CADM2: variants seen among roughly 807,000 people sequenced by gnomAD.
The protein encoded by CADM2 is cell adhesion molecule 2, also known as immunoglobulin superfamily member 4D.
Under a neutral mutation model 49.8 loss-of-function variants are expected in CADM2, and 12 were observed. The observed-to-expected ratio is 0.24, with a 90% confidence interval of 0.15 to 0.39. The LOEUF is 0.39. CADM2 is among the 10% of genes least tolerant of loss of function. CADM2 has a pLI of 1.00. For synonymous variants in CADM2, 214 were observed against 175.4 expected (o/e 1.22, Z -1.74); for missense variants, 378 against 492.3 (o/e 0.77, Z 2.20).
rs538928121 is a variant in CADM2, at chr3:85,441,169, T to C, written c.62-285353T>C. On this transcript the variant is annotated intron_variant, in intron 1 of 9. Transcript: ENST00000383699. ...ATGCCTGGATTTTAGCATTCCTATC[T>C]TTTAAGTGATTAATAATTTTTGTAG... Among the ~76,000 whole-genome samples the C allele has an allele frequency of 1.1e-4, 17 of 152,090 alleles. No homozygotes were observed. In the South Asian group the frequency reaches 3.3e-3, roughly 30 times the overall value.
intron 1 of CADM2, among the ~76,000 whole-genome samples, chr3:85,629,603 A>G (rs1201602736): frequency 1.3e-5 from 2 of 152,026 alleles, no homozygotes; most frequent in Non-Finnish European, 2.9e-5. Flanking sequence ...GATGGCTTGC[A>G]TGTATACTAT....
chr3:85,097,827 A>C (rs1321364048), intron 1 of CADM2, among the ~76,000 whole-genome samples: 5 of 152,210 alleles, frequency 3.3e-5, no homozygotes, highest in Admixed American at 3.3e-4. Flanking sequence ...ATTCATGTTG[A>C]CTTTTTCCTT....
At chr3:85,171,405 C>T (rs1449446310) in intron 1 of CADM2, among the ~76,000 whole-genome samples, 1 of 152,024 alleles carries the variant, frequency 6.6e-6, no homozygotes. Context: ...TACAGCATGA[C>T]AAAATGACAA....
At chr3:85,165,009 A>G (rs564915645) in intron 1 of CADM2, among the ~76,000 whole-genome samples, 2 of 151,814 alleles carry the variant, frequency 1.3e-5, no homozygotes, top group Admixed American at 1.3e-4. Context: ...GGAGTATCAC[A>G]TTGAATGGAA....
At chr3:85,531,963 G>T (rs1387089092) in intron 1 of CADM2, among the ~76,000 whole-genome samples, 1 of 152,128 alleles carries the variant, frequency 6.6e-6, no homozygotes, top group African/African-American at 2.4e-5. Flanking sequence ...AGTTCACGAG[G>T]TCAGGAGATG....
At chr3:85,415,324 C>T (rs1191222971) in intron 1 of CADM2, among the ~76,000 whole-genome samples, 2 of 150,784 alleles carry the variant, frequency 1.3e-5, no homozygotes, top group Non-Finnish European at 2.9e-5. Context: ...GAATTCTGAT[C>T]AAAGAAGTCT....
intron 1 of CADM2, among the ~76,000 whole-genome samples, chr3:85,001,592 A>G (rs1054150867): frequency 2.0e-5 from 3 of 152,058 alleles, no homozygotes; most frequent in Non-Finnish European, 4.4e-5. Flanking sequence ...TGTTAATCTC[A>G]ATGTCTCTTT....
intron 3 of CADM2, among the ~76,000 whole-genome samples, chr3:85,819,910 T>A (rs182339651): frequency 6.6e-6 from 1 of 151,938 alleles, no homozygotes; most frequent in Non-Finnish European, 1.5e-5. Flanking sequence ...TGTCTGAGAG[T>A]GCAAAATTCT....
chr3:85,748,113 TC>T (rs35183021), intron 2 of CADM2, among the ~76,000 whole-genome samples: 2 of 152,066 alleles, frequency 1.3e-5, no homozygotes, highest in African/African-American at 2.4e-5. Flanking sequence ...TGAGAACTTT[TC>T]CCCCTGTTGA....
At chr3:85,257,944 G>C (rs573436617) in intron 1 of CADM2, among the ~76,000 whole-genome samples, 1 of 152,194 alleles carries the variant, frequency 6.6e-6, no homozygotes, top group South Asian at 2.1e-4. Context: ...TGTTACATCA[G>C]TATAATGTCT....
chr3:85,866,782 G>T lies in CADM2; in HGVS notation c.239-16509G>T, dbSNP rs765438427. 6.6e-5 allele frequency among the ~76,000 whole-genome samples: 10 copies of T among 151,996 alleles called. No individual in the cohort carries two copies. The East Asian group carries it at 7.7e-4, about 12-fold the overall frequency. On this transcript the variant is annotated intron_variant, in intron 3 of 9. Transcript: ENST00000383699. ...TTCTCTTTCTACTTTCACCATGACT[G>T]CCCTACTCTCTCTCTATCTGAACAC...
intron 1 of CADM2, among the ~76,000 whole-genome samples, chr3:85,630,854 A>G (rs903191646): frequency 3.9e-5 from 6 of 151,980 alleles, no homozygotes; most frequent in Admixed American, 3.3e-4. Context: ...GCAGTCAGAG[A>G]GATCTATTAA....
intron 8 of CADM2, among the ~76,000 whole-genome samples, chr3:85,998,125 T>C (rs1035681553): frequency 3.9e-5 from 6 of 152,064 alleles, no homozygotes; most frequent in African/African-American, 1.4e-4. Context: ...TAGAAGGTGT[T>C]GGTACAATTA....
At chr3:85,495,034 A>G (rs2039831043) in intron 1 of CADM2, among the ~76,000 whole-genome samples, 2 of 152,166 alleles carry the variant, frequency 1.3e-5, no homozygotes, top group African/African-American at 2.4e-5. Context: ...CTCTGTGTTC[A>G]TGTGTATGTA....
chr3:85,059,843 G>A (rs1203094790), intron 1 of CADM2, among the ~76,000 whole-genome samples: 2 of 152,164 alleles, frequency 1.3e-5, no homozygotes, highest in African/African-American at 4.8e-5. Context: ...AGTCTCAGGT[G>A]TGTCTTTATA....
At chr3:85,438,819 T>C (rs1269683990) in intron 1 of CADM2, among the ~76,000 whole-genome samples, 1 of 152,012 alleles carries the variant, frequency 6.6e-6, no homozygotes. Context: ...ACTAAAAGTG[T>C]GAGCCACCAT....
intron 1 of CADM2, among the ~76,000 whole-genome samples, chr3:85,293,495 T>C (rs1439527279): frequency 1.4e-4 from 19 of 138,670 alleles, no homozygotes; most frequent in African/African-American, 5.1e-4. Context: ...AAAAAGAGAA[T>C]TTTAGACCAA....
chr3:85,964,104 A>T (rs1725184299), intron 8 of CADM2, among the ~76,000 whole-genome samples: 2 of 151,630 alleles, frequency 1.3e-5, no homozygotes, highest in African/African-American at 4.8e-5. Context: ...ATAAAAAGCT[A>T]CTCTCTTCTT....
chr3:86,061,889 A>T (rs936728479), intron 8 of CADM2, among the ~76,000 whole-genome samples: 9 of 151,708 alleles, frequency 5.9e-5, no homozygotes. Context: ...TTAAATTTAG[A>T]TGTTACTTTT....
Sources: gnomAD v4.1 joint callset for allele counts (sites outside exome capture counted in the v4.1 genomes callset) on GRCh38, gnomAD v4.1.1 for gene constraint, MANE v1.5 for transcripts, NCBI Gene and HGNC (gene_info 2026-07-23, HGNC 2026-07-21) for gene names.